Variants in BRSK2 observed in about 807,000 individuals in gnomAD.
BRSK2 encodes serine/threonine-protein kinase BRSK2.
BRSK2 carries 19 observed loss-of-function variants against 83.3 expected under a neutral mutation model. The ratio of observed to expected loss-of-function variants is 0.23; its 90% CI spans 0.16 to 0.33. The LOEUF is 0.33. Among genes scored for constraint, BRSK2 ranks in the 10% least tolerant of loss-of-function variants. BRSK2 has a pLI of 1.00. For missense variants in BRSK2, 798 were observed against 1,042.3 expected (o/e 0.77, Z 3.23); for synonymous variants, 519 against 435.4 (o/e 1.19, Z -2.39).
intron 2 of BRSK2, among the ~76,000 whole-genome samples, chr11:1,436,642 G>T (rs1850338510): frequency 6.6e-6 from 1 of 152,158 alleles, no homozygotes; most frequent in South Asian, 2.1e-4. Context: ...CCTCTCAGTG[G>T]GGAGGGGGCG....
chr11:1,458,975 C>T (rs552468282), intron 18 of BRSK2, among the ~76,000 whole-genome samples: 18 of 152,268 alleles, frequency 1.2e-4, no homozygotes, highest in South Asian at 8.3e-4. Flanking sequence ...TCCCTGCCTC[C>T]GCAGCCCCGC....
chr11:1,399,571 T>C (rs1846338420), intron 1 of BRSK2, among the ~76,000 whole-genome samples: 1 of 152,014 alleles, frequency 6.6e-6, no homozygotes, highest in African/African-American at 2.4e-5. Context: ...CAGCTGGGGA[T>C]GCCAGGGCCG....
intron 12 of BRSK2, 22 bp downstream of exon 12, chr11:1,445,929 T>G (rs1200998535): frequency 2.1e-5 from 33 of 1,589,318 alleles, no homozygotes; most frequent in Non-Finnish European, 2.8e-5. Context: ...CCGAGGCTGC[T>G]GGGCCTCCCT....
intron 1 of BRSK2, among the ~76,000 whole-genome samples, chr11:1,426,234 CGTGCTCCGGGGAT>C (rs1564826531): frequency 1.8e-4 from 17 of 95,862 alleles, no homozygotes; most frequent in Non-Finnish European, 3.4e-4. Context: ...GTGTGTGGGG[CGTGCTCCGGGGAT>C]GTGTGTGGGG....
At position 1,438,416 on chromosome 11, in the gene BRSK2, C is replaced by A; in HGVS notation, c.272+25C>A. 6.2e-7 allele frequency: 1 copy of A among 1,608,048 alleles called. No individual in the cohort carries two copies. Among genetic ancestry groups the A allele is most frequent in the Non-Finnish European group, 8.5e-7 (1 of 1,175,004 alleles). On this transcript the variant is annotated intron_variant, in intron 3 of 19. Transcript: ENST00000528841. The surrounding 1 kb of genome is among the most constrained non-coding windows in gnomAD (Gnocchi z 6.4). ...TGTAGGTATTGCTGGGTCTGAAGAG[C>A]TGGGGTGGCGGAGGTGGCAGCTGTC...
At chr11:1,449,260 T>C (rs1564866368) in intron 12 of BRSK2, among the ~76,000 whole-genome samples, 1 of 152,184 alleles carries the variant, frequency 6.6e-6, no homozygotes, top group Non-Finnish European at 1.5e-5. Flanking sequence ...AGCCTGGCCC[T>C]GCCCAGGCCC....
At chr11:1,410,765 C>A in intron 1 of BRSK2, 3 of 985,340 alleles carry the variant, frequency 3.0e-6, no homozygotes, top group South Asian at 4.7e-5. Context: ...CTGGGGGACA[C>A]CCCTTCTGGT....
intron 14 of BRSK2, among the ~76,000 whole-genome samples, chr11:1,451,049 GCAAGGAGAGCTGGCCA>G (rs1414115924): frequency 6.6e-6 from 1 of 152,252 alleles, no homozygotes; most frequent in Non-Finnish European, 1.5e-5. Context: ...CAGGCACACA[GCAAGGAGAGCTGGCCA>G]CCGAGGGGGC....
Position 1,438,545 on chromosome 11 carries a change from T to G in BRSK2, c.272+154T>G, listed in dbSNP as rs1168502404. On this transcript the variant is annotated intron_variant, in intron 3 of 19. Transcript: ENST00000528841. This position sits in a 1 kb window ranked among gnomAD's most constrained non-coding sequence, Gnocchi z 6.4. ...GGCCCTGCTAGCATGAACACCTGCC[T>G]GGGTAGGGTCTCAGCCCAGGCTGCT... Among the ~76,000 whole-genome samples, 2 of 152,116 alleles carry G rather than the reference T, an allele frequency of 1.3e-5. No homozygotes were observed. The highest frequency in any genetic ancestry group is 2.9e-5 in the Non-Finnish European group (2 of 68,002).
At chr11:1,447,880 C>T in intron 12 of BRSK2, 1 of 1,588,010 alleles carries the variant, frequency 6.3e-7, no homozygotes, top group Non-Finnish European at 8.5e-7. Context: ...ACCCCGACCA[C>T]CCGTCCCCGC....
At chr11:1,422,377 G>A (rs1187764021) in intron 1 of BRSK2, among the ~76,000 whole-genome samples, 2 of 152,160 alleles carry the variant, frequency 1.3e-5, no homozygotes, top group African/African-American at 2.4e-5. Flanking sequence ...GGGAGGGGTG[G>A]GGGTCCCTGT....
chr11:1,392,407 C>T (rs1053970767), intron 1 of BRSK2, among the ~76,000 whole-genome samples: 2 of 152,328 alleles, frequency 1.3e-5, no homozygotes, highest in Middle Eastern at 3.4e-3. Flanking sequence ...TTGGTGTGGA[C>T]GCGACTCCAG....
At chr11:1,415,314 T>C (rs1847988482) in intron 1 of BRSK2, among the ~76,000 whole-genome samples, 1 of 152,148 alleles carries the variant, frequency 6.6e-6, no homozygotes, top group Non-Finnish European at 1.5e-5. Flanking sequence ...CAGGATGGTC[T>C]TGATCTCCTG....
chr11:1,390,304 A>G lies in BRSK2; in HGVS notation c.20A>G (p.Asp7Gly). 1 of 1,038,792 alleles carries G rather than the reference A, an allele frequency of 9.6e-7. No homozygotes were observed. The highest frequency in any genetic ancestry group is 1.2e-6 in the Non-Finnish European group (1 of 855,486). 64.3% of individuals were successfully genotyped at this position (1,038,792 alleles called of 1,614,324 possible). ...AGAGCGATGACATCGACGGGGAAGG[A>G]CGGCGGCGCGCAGCACGCGCAGTAT... MTSTGK[D>G]GGAQHAQYVG... is the part of the protein sequence containing the mutation. Residue 7 changes from aspartate to glycine, a missense_variant, in exon 1 of 20, where the codon GAC becomes GGC. Asp to Gly is a moderately conservative substitution (Grantham distance 94). Around this residue, in one of 6 missense-constraint regions of BRSK2, gnomAD observed 33 missense variants for 30.8 expected, o/e 1.07. Transcript: ENST00000528841. The surrounding 1 kb of genome is among the most constrained non-coding windows in gnomAD (Gnocchi z 6.8).
At chr11:1,453,787 G>A (rs1846103012) in intron 15 of BRSK2, 1 of 152,278 alleles carries the variant, frequency 6.6e-6, no homozygotes, top group Admixed American at 6.5e-5. Flanking sequence ...CAGCACACCT[G>A]GTTCCACCTC....
intron 18 of BRSK2, among the ~76,000 whole-genome samples, chr11:1,458,523 C>G (rs1336240965): frequency 2.0e-5 from 3 of 152,178 alleles, no homozygotes; most frequent in African/African-American, 4.8e-5. Context: ...TGGAAGGTGG[C>G]TAGCCAGCAG....
At chr11:1,391,157 C>T (rs962020621) in intron 1 of BRSK2, among the ~76,000 whole-genome samples, 118 of 152,340 alleles carry the variant, frequency 7.7e-4, no homozygotes, top group Middle Eastern at 3.4e-3. Context: ...CGCATGTGGC[C>T]AACTCTCCCC....
chr11:1,443,247 C>T (rs1590592117), intron 6 of BRSK2, 88 bp from the exon 7 acceptor site: 2 of 1,521,166 alleles, frequency 1.3e-6, no homozygotes, highest in East Asian at 4.9e-5. Flanking sequence ...GGCTGCCTGT[C>T]CCCGGGCCGA....
rs751752222 is a variant in BRSK2 at position 1,456,524 on chromosome 11, C to T, written c.1845C>T (p.Leu615=). The T allele has an allele frequency of 1.6e-5, 26 of 1,587,748 alleles. No homozygotes were observed. In the African/African-American group the frequency reaches 2.0e-4, roughly 12 times the overall value. ...TCTACTCCGTCACCTTCACCCTGCT[C>T]TCAGGTGAGCTGGCGCCCCCAGGGC... ...NGIYSVTFTL[L]SGPSRRFKRV... is the part of the protein sequence containing the mutation. Residue 615 remains leucine, a synonymous_variant, in exon 17 of 20, where the codon CTC becomes CTT. Coordinates refer to ENST00000528841, the MANE Select transcript of BRSK2 (RefSeq NM_001256627.2).
Sources: allele counts gnomAD v4.1 joint callset (sites outside exome capture counted in the v4.1 genomes callset), GRCh38; gene constraint gnomAD v4.1.1; regional missense constraint gnomAD v4.1.1; non-coding constraint Gnocchi (gnomAD v3.1); transcripts MANE v1.5; gene names NCBI Gene and HGNC (gene_info 2026-07-23, HGNC 2026-07-21).